IL3RA: variants seen among roughly 807,000 people sequenced by gnomAD.
The protein encoded by IL3RA is interleukin-3 receptor subunit alpha.
In IL3RA, 73 loss-of-function variants were observed where a neutral mutation model predicts 52.3. The observed-to-expected ratio is 1.40, with a 90% confidence interval of 1.16 to 1.70. The LOEUF is 1.70. Among genes scored for constraint, IL3RA ranks in the 40% most tolerant of loss-of-function variants. IL3RA has a pLI of 0.00. For missense variants in IL3RA, 664 were observed against 504.4 expected (o/e 1.32, Z -3.03); for synonymous variants, 260 against 194.0 (o/e 1.34, Z -2.83).
Position 1,352,145 on chromosome X carries a change from A to G in IL3RA, c.344A>G (p.His115Arg). ...AGAENLTCWI[H>R]DVDFLSCSWA... ...GCGGAGAATCTGACCTGCTGGATTC[A>G]TGACGTGGATTTCTTGAGCTGCAGC... is the stretch of plus-strand genomic sequence containing the variant. Residue 115 changes from histidine (H) to arginine (R), a missense_variant, in exon 5 of 12, where the codon CAT becomes CGT. His to Arg is a conservative substitution (Grantham distance 29). Coordinates refer to ENST00000331035, the MANE Select transcript of IL3RA (RefSeq NM_002183.4). The G allele has an allele frequency of 6.2e-6, 10 of 1,613,826 alleles. No homozygotes were observed. The highest frequency in any genetic ancestry group is 8.5e-6 in the Non-Finnish European group (10 of 1,179,808).
intron 3 of IL3RA, 141 bp downstream of exon 3, chrX:1,345,575 C>A: frequency 2.1e-6 from 1 of 479,910 alleles, no homozygotes; most frequent in African/African-American, 2.0e-5. Flanking sequence ...CTGCAACCTC[C>A]ACCTCCCAGG....
chrX:1,362,170 C>CTG (rs372518571), intron 8 of IL3RA, among the ~76,000 whole-genome samples: 19 of 150,214 alleles, frequency 1.3e-4, no homozygotes, highest in Non-Finnish European at 2.5e-4. Flanking sequence ...CTTTCCCTCT[C>CTG]TCTTTGTATC....
chrX:1,340,914 C>T (rs1204041096), intron 1 of IL3RA, among the ~76,000 whole-genome samples: 10 of 152,042 alleles, frequency 6.6e-5, no homozygotes, highest in Admixed American at 2.0e-4. Flanking sequence ...GTCAGGAGTT[C>T]GAGACCAGCC....
intron 3 of IL3RA, among the ~76,000 whole-genome samples, chrX:1,347,193 T>C (rs768255234): frequency 6.6e-6 from 1 of 151,562 alleles, no homozygotes; most frequent in African/African-American, 2.4e-5. Flanking sequence ...ACGCCTGTCA[T>C]CCCAGCACTT....
At position 1,381,078 on chromosome X, in the gene IL3RA, G is replaced by GGAT; in HGVS notation, c.1037_1038insATG (p.Gly346_Asp347insCys). ...CATCCCTCACATGAAAGACCCCATCGGTGACAGCTTCCAAAACGACAAGCT... is the reference window on the plus strand; with the variant it reads ...CATCCCTCACATGAAAGACCCCATCGGATGTGACAGCTTCCAAAACGACAAGCT... On this transcript the variant is annotated inframe_insertion, in exon 11 of 12. Coordinates refer to ENST00000331035, the MANE Select transcript of IL3RA (RefSeq NM_002183.4). 6.2e-7 allele frequency: 1 copy of GGAT among 1,613,854 alleles called. No individual in the cohort carries two copies. Among genetic ancestry groups the GGAT allele is most frequent in the South Asian group, 1.1e-5 (1 of 91,056 alleles).
chrX:1,376,932 A>G (rs1358085869), intron 9 of IL3RA, among the ~76,000 whole-genome samples: 1 of 139,674 alleles, frequency 7.2e-6, no homozygotes, highest in Non-Finnish European at 1.5e-5. Context: ...AGCCCTGCCC[A>G]CACCTGGATC....
chrX:1,360,667 C>T (rs1432824561), intron 8 of IL3RA, among the ~76,000 whole-genome samples: 17 of 151,322 alleles, frequency 1.1e-4, no homozygotes, highest in Admixed American at 2.0e-4. Context: ...TACAGGCACT[C>T]GCCACCATGC....
chrX:1,352,519 G>A lies in IL3RA; in HGVS notation c.616+13G>A, dbSNP rs765498885. On this transcript the variant is annotated intron_variant, in intron 6 of 11. Coordinates refer to ENST00000331035, the MANE Select transcript of IL3RA (RefSeq NM_002183.4). Reference sequence around the variant, plus strand: ...TTTTCACAGATTGGTGAGTAGCCCGGGACACTCCCTCCCACCCTCAGTTCT... The same window carrying A: ...TTTTCACAGATTGGTGAGTAGCCCGAGACACTCCCTCCCACCCTCAGTTCT... 3.7e-6 allele frequency: 6 copies of A among 1,610,610 alleles called. No individual in the cohort carries two copies. The highest frequency in any genetic ancestry group is 2.2e-5 in the East Asian group (1 of 44,842).
chrX:1,352,550 ACCACGGCTTTAGCGCCAGGCCAGATC>A, intron 6 of IL3RA, 44 bp downstream of exon 6: 1 of 1,589,246 alleles, frequency 6.3e-7, no homozygotes, highest in South Asian at 1.1e-5. Context: ...GTTCTGTGAT[ACCACGGCTTTAGCGCCAGGCCAGATC>A]CCACGGGACC....
chrX:1,348,885 T>TTTC (rs369944503), intron 4 of IL3RA, among the ~76,000 whole-genome samples: 104,033 of 140,752 alleles, frequency 0.74, 39,068 homozygotes, highest in African/African-American at 0.88. Context: ...TTCCCTTTCG[T>TTTC]TTTCTTTTCC....
chrX:1,338,048 A>C (rs1430986318), intron 1 of IL3RA, among the ~76,000 whole-genome samples: 1 of 149,948 alleles, frequency 6.7e-6, no homozygotes, highest in African/African-American at 2.5e-5. Context: ...ACACAGTGGA[A>C]TATTATACAG....
At chrX:1,360,151 CTCTCCCTT>C (rs2087109323) in intron 8 of IL3RA, among the ~76,000 whole-genome samples, 2 of 145,848 alleles carry the variant, frequency 1.4e-5, no homozygotes, top group African/African-American at 5.1e-5. Flanking sequence ...CTCTGTGTCT[CTCTCCCTT>C]TCTCCCTCCC....
chrX:1,352,608 T>C (rs760952341), intron 6 of IL3RA, 102 bp downstream of exon 6: 3 of 1,239,924 alleles, frequency 2.4e-6, no homozygotes, highest in African/African-American at 1.5e-5. Flanking sequence ...AACGCAGACG[T>C]TGGCCTCTCA....
intron 5 of IL3RA, 23 bp from the exon 6 acceptor site, chrX:1,352,299 C>G: frequency 1.9e-6 from 3 of 1,613,496 alleles, no homozygotes; most frequent in East Asian, 2.2e-5. Context: ...GGGGTCGTCC[C>G]CCAACCTTAC....
chrX:1,345,203 C>A (rs747557022), intron 2 of IL3RA, 113 bp from the exon 3 acceptor site: 51 of 622,826 alleles, frequency 8.2e-5, no homozygotes, highest in Non-Finnish European at 1.4e-4. Flanking sequence ...AAGAACTCCA[C>A]CTCCCAAAGG....
chrX:1,363,491 G>A (rs561104405), intron 8 of IL3RA, among the ~76,000 whole-genome samples: 8 of 150,432 alleles, frequency 5.3e-5, no homozygotes, highest in South Asian at 4.2e-4. Flanking sequence ...TAGTAGAGAC[G>A]GGGTTTCACT....
rs1207820168 is a variant in IL3RA at position 1,365,243 on chromosome X, C to T, written c.865C>T (p.Gln289Ter). 1 of 1,602,026 alleles carries T rather than the reference C, an allele frequency of 6.2e-7. No individual in the cohort carries two copies. The highest frequency in any genetic ancestry group is 8.5e-7 in the Non-Finnish European group (1 of 1,173,214). Residue 289 changes from glutamine (Q) to a stop codon, truncating the protein, a stop_gained, in exon 9 of 12, where the codon CAG becomes TAG. Coordinates refer to ENST00000331035, the MANE Select transcript of IL3RA (RefSeq NM_002183.4). LOFTEE classifies it high-confidence loss of function. ...YEFLSAWSTP[Q>*]RFECDQEEGA... Reference sequence around the variant, plus strand: ...ATTCTTGAGCGCCTGGAGCACCCCCCAGCGCTTCGGTGAGTGGGCTGTGCG... The same window carrying T: ...ATTCTTGAGCGCCTGGAGCACCCCCTAGCGCTTCGGTGAGTGGGCTGTGCG...
chrX:1,356,785 A>AAC (rs1556628113), intron 7 of IL3RA, among the ~76,000 whole-genome samples: 4 of 150,548 alleles, frequency 2.7e-5, no homozygotes, highest in Admixed American at 6.6e-5. Context: ...AAAAAAAAAA[A>AAC]AGTTTGAGAC....
At chrX:1,377,614 C>T (rs1230698604) in intron 9 of IL3RA, among the ~76,000 whole-genome samples, 2 of 151,648 alleles carry the variant, frequency 1.3e-5, no homozygotes, top group East Asian at 1.9e-4. Context: ...GATCCACCCT[C>T]GTTCCAAATA....
Sources: allele counts gnomAD v4.1 joint callset (sites outside exome capture counted in the v4.1 genomes callset), GRCh38; gene constraint gnomAD v4.1.1; transcripts MANE v1.5; gene names NCBI Gene and HGNC (gene_info 2026-07-23, HGNC 2026-07-21).